PHACTR2: variants seen among roughly 807,000 people sequenced by gnomAD.
PHACTR2 encodes the protein chromosome 6 open reading frame 56.
PHACTR2 carries 30 observed loss-of-function variants against 76.0 expected under a neutral mutation model. That is an observed-to-expected ratio of 0.39 (90% CI 0.30 to 0.54). The LOEUF (loss-of-function observed/expected upper bound fraction) is 0.54, where lower values mean the gene tolerates loss of function less well. Ranked by LOEUF, PHACTR2 falls within the 20% of genes least tolerant of loss-of-function variation. The probability of loss-of-function intolerance (pLI) is 0.61; values close to 1 mark genes in which losing one functional copy is unlikely to be tolerated. For synonymous variants in PHACTR2, 292 were observed against 292.5 expected, an observed-to-expected ratio of 1.00 and a Z score of 0.02; for missense variants, 696 against 781.1, an observed-to-expected ratio of 0.89 and a Z score of 1.30.
chr6:143,538,310 A>G (rs915269575), intron 1 of PHACTR2, among the ~76,000 whole-genome samples: 10 of 152,262 alleles, frequency 6.6e-5, no homozygotes, highest in Admixed American at 6.5e-5. Context: ...AGTGGGAATC[A>G]TAGTATGGTA....
chr6:143,765,114 T>A lies in PHACTR2; in HGVS notation c.695-147T>A, dbSNP rs1367151450. ...GGAGGGGCAGAAGACAAGACTATTA[T>A]CATGATTAGCCTATTTTCTCTTATA... is the stretch of plus-strand genomic sequence containing the variant. On this transcript the variant is annotated intron_variant, in intron 5 of 12. Transcript: ENST00000440869. This position sits in a 1 kb window ranked among gnomAD's most constrained non-coding sequence, Gnocchi z 4.1. The A allele has an allele frequency of 1.5e-6, 1 of 658,922 alleles. No homozygotes were observed. The highest frequency in any genetic ancestry group is 2.9e-5 in the Admixed American group (1 of 34,962). The allele number at this position is 658,922 out of a possible 1,614,324, so 40.8% of individuals were successfully genotyped here. A position where few individuals can be genotyped will look rare whatever the true frequency, so the allele number is the denominator to read the frequency against.
rs973938582 is a variant in PHACTR2 at position 143,739,621 on chromosome 6, G to T, written c.215-9364G>T. On this transcript the variant is annotated intron_variant, in intron 2 of 12. Coordinates refer to ENST00000440869, the MANE Select transcript of PHACTR2 (RefSeq NM_001100164.2). The surrounding 1 kb of genome is among the most constrained non-coding windows in gnomAD (Gnocchi z 4.3). ...CTTATGAGTTTGCGAGAGTCCGAGT[G>T]AAGGGGAAGGACAGGCTGTGTTACA... 6.6e-6 allele frequency among the ~76,000 whole-genome samples: 1 copy of T among 152,210 alleles called. No homozygotes were observed. The highest frequency in any genetic ancestry group is 1.5e-5 in the Non-Finnish European group (1 of 68,046).
At chr6:143,657,074 G>A (rs1776861011) in intron 1 of PHACTR2, among the ~76,000 whole-genome samples, 3 of 150,820 alleles carry the variant, frequency 2.0e-5, no homozygotes, top group South Asian at 2.1e-4. Flanking sequence ...CACACACTGG[G>A]GCCTGTTTGG....
chr6:143,774,322 C>A lies in PHACTR2; in HGVS notation c.1589+107C>A. On this transcript the variant is annotated intron_variant, in intron 8 of 12. Transcript: ENST00000440869. The surrounding 1 kb of genome is among the most constrained non-coding windows in gnomAD (Gnocchi z 5.4). The stretch of plus-strand genomic sequence containing the variant: ...GTGAATTCCTTATGTACAGATACAT[C>A]TGGCCTACTGGGTCTTTTAAAGTTG... 4 of 762,076 alleles carry A rather than the reference C, an allele frequency of 5.2e-6. No homozygotes were observed. The highest frequency in any genetic ancestry group is 2.9e-5 in the East Asian group (1 of 34,862). The allele number at this position is 762,076 out of a possible 1,614,324, so 47.2% of individuals were successfully genotyped here.
intron 1 of PHACTR2, among the ~76,000 whole-genome samples, chr6:143,694,888 T>TA (rs1195296570): frequency 6.6e-6 from 1 of 152,230 alleles, no homozygotes; most frequent in Non-Finnish European, 1.5e-5. Flanking sequence ...AGGAAACTTT[T>TA]AACTGGTGCA....
At chr6:143,575,450 T>C (rs1775494869) in intron 1 of PHACTR2, among the ~76,000 whole-genome samples, 1 of 152,208 alleles carries the variant, frequency 6.6e-6, no homozygotes, top group Non-Finnish European at 1.5e-5. Context: ...GATGATGAAC[T>C]ATCAAAACGC....
intron 4 of PHACTR2, among the ~76,000 whole-genome samples, chr6:143,758,780 G>T (rs1779364882): frequency 6.6e-6 from 1 of 152,170 alleles, no homozygotes; most frequent in African/African-American, 2.4e-5. Context: ...AGGATCAAAG[G>T]TGAACTTTAA....
chr6:143,714,059 G>A (rs569141825), intron 2 of PHACTR2, among the ~76,000 whole-genome samples: 4 of 152,102 alleles, frequency 2.6e-5, no homozygotes, highest in East Asian at 1.9e-4. Context: ...GCAAAAAACC[G>A]CAATTACTTT....
At chr6:143,552,826 T>C (rs1277961725) in intron 1 of PHACTR2, among the ~76,000 whole-genome samples, 1 of 140,456 alleles carries the variant, frequency 7.1e-6, no homozygotes, top group Non-Finnish European at 1.5e-5. Context: ...GAGGTTGCAG[T>C]GAGCCAAGAT....
rs543113969 is a variant in PHACTR2 at position 143,639,831 on chromosome 6, T to A, written c.13+31509T>A. 6.6e-6 allele frequency among the ~76,000 whole-genome samples: 1 copy of A among 152,236 alleles called. No homozygotes were observed. The highest frequency in any genetic ancestry group is 1.5e-5 in the Non-Finnish European group (1 of 68,050). On this transcript the variant is annotated intron_variant, in intron 1 of 11. Transcript: ENST00000305766. The surrounding 1 kb of genome is among the most constrained non-coding windows in gnomAD (Gnocchi z 5.0). ...AGAACCACTGAAGGGTGATTTGATT[T>A]GCATTACATTTTCTCACTGTAGTGC...
chr6:143,731,533 C>T lies in PHACTR2; in HGVS notation c.215-17452C>T, dbSNP rs578062952. On this transcript the variant is annotated intron_variant, in intron 2 of 12. Transcript: ENST00000440869. The surrounding 1 kb of genome is among the most constrained non-coding windows in gnomAD (Gnocchi z 4.9). ...AACTCTGGACCTCAGGTGATCTGCC[C>T]GCCTCGGCCTCCCAAAGTGCTGGGA... Among the ~76,000 whole-genome samples, 9 of 152,116 alleles carry T rather than the reference C, an allele frequency of 5.9e-5. No homozygotes were observed. The South Asian group carries it at 1.2e-3, about 21-fold the overall frequency.
intron 1 of PHACTR2, among the ~76,000 whole-genome samples, chr6:143,635,832 C>T (rs965279196): frequency 6.6e-6 from 1 of 152,008 alleles, no homozygotes; most frequent in Non-Finnish European, 1.5e-5. Context: ...AATAAGAAAG[C>T]TTTTCATCTT....
chr6:143,601,313 G>C (rs966960408), intron 1 of PHACTR2, among the ~76,000 whole-genome samples: 2 of 152,190 alleles, frequency 1.3e-5, no homozygotes, highest in African/African-American at 4.8e-5. Flanking sequence ...ATGGCCTTTA[G>C]ATCTGTACAG....
At chr6:143,752,051 A>G (rs912414815) in intron 3 of PHACTR2, among the ~76,000 whole-genome samples, 3 of 151,968 alleles carry the variant, frequency 2.0e-5, no homozygotes, top group Non-Finnish European at 2.9e-5. Flanking sequence ...ATTGTTGACT[A>G]TTTCTCTCTA....
In PHACTR2 at chr6:143,596,779, A is replaced by T. The variant is rs1775760607; in HGVS notation, c.217+59572A>T. Among the ~76,000 whole-genome samples the T allele has an allele frequency of 6.6e-6, 1 of 152,180 alleles. No homozygotes were observed. The highest frequency in any genetic ancestry group is 1.5e-5 in the Non-Finnish European group (1 of 68,026). Reference sequence around the variant, plus strand: ...CTTAAGCCCAGGAGTTTGAGGTTGCAGTGAACTGTGATCGTGCCACAGCAT... The same window carrying T: ...CTTAAGCCCAGGAGTTTGAGGTTGCTGTGAACTGTGATCGTGCCACAGCAT... On this transcript the variant is annotated intron_variant, in intron 1 of 11. Transcript: ENST00000367584. This position sits in a 1 kb window ranked among gnomAD's most constrained non-coding sequence, Gnocchi z 4.6.
At position 143,726,655 on chromosome 6, in the gene PHACTR2, T is replaced by C. The variant is rs752916307; in HGVS notation, c.214+14472T>C. The stretch of plus-strand genomic sequence containing the variant: ...TTGTTTAAATCCATTCATTGGTCAG[T>C]GGACATTTGGGCTGCATCCATCTCT... On this transcript the variant is annotated intron_variant, in intron 2 of 12. Coordinates refer to ENST00000440869, the MANE Select transcript of PHACTR2 (RefSeq NM_001100164.2). Among the ~76,000 whole-genome samples, 8 of 152,224 alleles carry C rather than the reference T, an allele frequency of 5.3e-5. No homozygotes were observed. The South Asian group carries it at 6.2e-4, about 12-fold the overall frequency.
chr6:143,678,643 A>C lies in PHACTR2; in HGVS notation c.46+434A>C, dbSNP rs558388191. On this transcript the variant is annotated intron_variant, in intron 1 of 12. Coordinates refer to ENST00000440869, the MANE Select transcript of PHACTR2 (RefSeq NM_001100164.2). The surrounding 1 kb of genome is among the most constrained non-coding windows in gnomAD (Gnocchi z 6.2). ...CTTGTCAACTGATTTATGGTTTGTT[A>C]TTCGGAGTAGAAGCGCTGATCGCCT... is the stretch of plus-strand genomic sequence containing the variant. Among the ~76,000 whole-genome samples, 19 of 152,336 alleles carry C rather than the reference A, an allele frequency of 1.2e-4. No individual in the cohort carries two copies. The highest frequency in any genetic ancestry group is 2.6e-4 in the African/African-American group (11 of 41,572).
chr6:143,615,227 C>T (rs1335637634), intron 1 of PHACTR2, among the ~76,000 whole-genome samples: 1 of 152,120 alleles, frequency 6.6e-6, no homozygotes, highest in African/African-American at 2.4e-5. Flanking sequence ...TGAATCTAGC[C>T]TTTTGTAACA....
At position 143,787,138 on chromosome 6, in the gene PHACTR2, C is replaced by G. The variant is rs1057209927; in HGVS notation, c.1708-1635C>G. 2.6e-5 allele frequency among the ~76,000 whole-genome samples: 4 copies of G among 152,230 alleles called. No individual in the cohort carries two copies. In the East Asian group the frequency reaches 7.7e-4, roughly 29 times the overall value. The stretch of plus-strand genomic sequence containing the variant: ...CAGCAGTGCCAGCCCTTACCCTCTG[C>G]ACCCACTTGCCTCCACCATACATAG... On this transcript the variant is annotated intron_variant, in intron 10 of 12. Coordinates refer to ENST00000440869, the MANE Select transcript of PHACTR2 (RefSeq NM_001100164.2). This position sits in a 1 kb window ranked among gnomAD's most constrained non-coding sequence, Gnocchi z 4.6.
Sources: allele counts gnomAD v4.1 joint callset (sites outside exome capture counted in the v4.1 genomes callset), GRCh38; gene constraint gnomAD v4.1.1; non-coding constraint Gnocchi (gnomAD v3.1); transcripts MANE v1.5; gene names NCBI Gene and HGNC (gene_info 2026-07-23, HGNC 2026-07-21).